CDK6: variants seen among roughly 807,000 people sequenced by gnomAD.
CDK6 encodes the protein cyclin-dependent kinase 6.
A neutral mutation model predicts 37.1 loss-of-function variants in CDK6; 6 were observed. That is an observed-to-expected ratio of 0.16 (90% CI 0.09 to 0.32). The LOEUF is 0.32. Among genes scored for constraint, CDK6 ranks in the 10% least tolerant of loss-of-function variants. The pLI is 1.00. For synonymous variants in CDK6, 160 were observed against 161.3 expected (o/e 0.99, Z 0.06); for missense variants, 224 against 418.9 (o/e 0.53, Z 4.06).
At chr7:92,719,349 A>C (rs968822043) in intron 4 of CDK6, among the ~76,000 whole-genome samples, 6 of 152,194 alleles carry the variant, frequency 3.9e-5, no homozygotes, top group African/African-American at 1.2e-4. Context: ...AATATTGGGA[A>C]TCTTATCAGT....
intron 1 of CDK6, among the ~76,000 whole-genome samples, chr7:92,836,114 G>C (rs1024914231): frequency 1.3e-5 from 2 of 151,996 alleles, no homozygotes; most frequent in African/African-American, 4.8e-5. Context: ...TTATGTGAGT[G>C]TCCGAGTAGA....
intron 4 of CDK6, among the ~76,000 whole-genome samples, chr7:92,706,556 T>C (rs1479647985): frequency 1.3e-5 from 2 of 152,228 alleles, no homozygotes; most frequent in Non-Finnish European, 2.9e-5. Flanking sequence ...GTAGAATTTG[T>C]CCTGTGGGTG....
At chr7:92,760,771 GATC>G (rs536788142) in intron 3 of CDK6, among the ~76,000 whole-genome samples, 1 of 151,952 alleles carries the variant, frequency 6.6e-6, no homozygotes, top group Non-Finnish European at 1.5e-5. Context: ...CCCAAAATGG[GATC>G]ATATTGTATA....
chr7:92,721,422 T>C (rs577088190), intron 4 of CDK6, among the ~76,000 whole-genome samples: 1 of 152,258 alleles, frequency 6.6e-6, no homozygotes, highest in African/African-American at 2.4e-5. Flanking sequence ...GTAGGGCCAG[T>C]GTAGGCTTCT....
chr7:92,808,951 G>A (rs772213873), intron 2 of CDK6, among the ~76,000 whole-genome samples: 3 of 152,118 alleles, frequency 2.0e-5, no homozygotes, highest in Non-Finnish European at 4.4e-5. Flanking sequence ...TTTGGAAGCA[G>A]TTAAAGGGCC....
In CDK6 at chr7:92,612,004, G is replaced by C. The variant is rs1795573181; in HGVS notation, c.*3136C>G. Reference sequence around the variant, plus strand: ...CAAAGTGGGAGGCTCCAACCCACTGGGTTCTTACAAGTGCTTAGAAATTGT... The same window carrying C: ...CAAAGTGGGAGGCTCCAACCCACTGCGTTCTTACAAGTGCTTAGAAATTGT... On this transcript the variant is annotated 3_prime_UTR_variant, in exon 8 of 8. Transcript: ENST00000424848. 4.3e-6 allele frequency: 1 copy of C among 232,870 alleles called. No homozygotes were observed. Among genetic ancestry groups the C allele is most frequent in the African/African-American group, 2.2e-5 (1 of 45,440 alleles). 14.4% of individuals were successfully genotyped at this position (232,870 alleles called of 1,614,324 possible). A position where few individuals can be genotyped will look rare whatever the true frequency, so the allele number is the denominator to read the frequency against.
At chr7:92,615,894 T>C (rs1463583214) in intron 7 of CDK6, among the ~76,000 whole-genome samples, 2 of 152,224 alleles carry the variant, frequency 1.3e-5, no homozygotes, top group East Asian at 3.8e-4. Flanking sequence ...AAGGGAAACC[T>C]TTGCAGTAGC....
At chr7:92,664,174 A>G (rs533739638) in intron 5 of CDK6, among the ~76,000 whole-genome samples, 1 of 151,952 alleles carries the variant, frequency 6.6e-6, no homozygotes, top group Non-Finnish European at 1.5e-5. Context: ...AGATCTTCCC[A>G]TTTGGCTGGT....
In CDK6 at chr7:92,690,863, G is replaced by A. The variant is rs78992690; in HGVS notation, c.538-19328C>T. On this transcript the variant is annotated intron_variant, in intron 4 of 7. Coordinates refer to ENST00000424848, the MANE Select transcript of CDK6 (RefSeq NM_001145306.2). ...AAAGTAAAAGTTAAGAATCCTTCAG[G>A]GCTTTGGTATAACCATTATGGGAGT... Among the ~76,000 whole-genome samples the A allele has an allele frequency of 0.021, 3,149 of 152,102 alleles. 236 individuals are homozygous for A. In the East Asian group the frequency reaches 0.28, roughly 14 times the overall value.
intron 2 of CDK6, among the ~76,000 whole-genome samples, chr7:92,786,553 G>A (rs1190265218): frequency 6.6e-6 from 1 of 151,738 alleles, no homozygotes; most frequent in Admixed American, 6.6e-5. Context: ...TTATGAAAAT[G>A]AGCCCACATC....
At chr7:92,735,601 G>A (rs573049198) in intron 3 of CDK6, among the ~76,000 whole-genome samples, 47 of 152,274 alleles carry the variant, frequency 3.1e-4, no homozygotes, top group African/African-American at 1.1e-3. Context: ...GCGCTATCCA[G>A]CTAGATTGCA....
chr7:92,684,546 A>T (rs1034364731), intron 4 of CDK6, among the ~76,000 whole-genome samples: 1 of 152,104 alleles, frequency 6.6e-6, no homozygotes, highest in Non-Finnish European at 1.5e-5. Context: ...GTGCACAGGC[A>T]TGTCTATGCT....
At chr7:92,706,246 T>C (rs558362777) in intron 4 of CDK6, among the ~76,000 whole-genome samples, 3 of 152,192 alleles carry the variant, frequency 2.0e-5, no homozygotes, top group Non-Finnish European at 2.9e-5. Context: ...ATTAAAATGC[T>C]CATTTTGGCC....
rs113202859 is a variant in CDK6 at position 92,729,276 on chromosome 7, T to C, written c.370-3483A>G. ...TTTTAATCTAAATTATTCTGTACCA[T>C]ATATGACTCAAATATTTCACAGTAA... is the stretch of plus-strand genomic sequence containing the variant. On this transcript the variant is annotated intron_variant, in intron 3 of 7. Coordinates refer to ENST00000424848, the MANE Select transcript of CDK6 (RefSeq NM_001145306.2). 5.7e-3 allele frequency among the ~76,000 whole-genome samples: 865 copies of C among 152,306 alleles called. 11 individuals are homozygous for C. Among genetic ancestry groups the C allele is most frequent in the African/African-American group, 0.02 (811 of 41,578 alleles).
rs557383633 is a variant in CDK6, at chr7:92,834,653, C to T, written c.-367-963G>A. 7.0e-6 allele frequency among the ~76,000 whole-genome samples: 1 copy of T among 142,328 alleles called. No individual in the cohort carries two copies. The highest frequency in any genetic ancestry group is 2.2e-4 in the South Asian group (1 of 4,528). The allele number at this position is 142,328 out of a possible 152,430, so 93.4% of individuals were successfully genotyped here. A position where few individuals can be genotyped will look rare whatever the true frequency, so the allele number is the denominator to read the frequency against. ...AGTTTTAAACTGATTTCGACCTGAG[C>T]AAAACTCAACCTCCCTTTCAAAGGG... On this transcript the variant is annotated intron_variant, in intron 1 of 7. Coordinates refer to ENST00000424848, the MANE Select transcript of CDK6 (RefSeq NM_001145306.2). This position sits in a 1 kb window ranked among gnomAD's most constrained non-coding sequence, Gnocchi z 4.6.
intron 7 of CDK6, among the ~76,000 whole-genome samples, chr7:92,616,736 T>C (rs1378136388): frequency 1.3e-5 from 2 of 152,156 alleles, no homozygotes; most frequent in Admixed American, 6.5e-5. Flanking sequence ...TACAGAGACA[T>C]GTCTCTAGAG....
intron 3 of CDK6, among the ~76,000 whole-genome samples, chr7:92,759,575 G>C (rs1799401642): frequency 6.6e-6 from 1 of 151,294 alleles, no homozygotes; most frequent in Non-Finnish European, 1.5e-5. Context: ...AAAACTATGG[G>C]TATTTATCTT....
At chr7:92,771,636 G>A (rs1465306705) in intron 3 of CDK6, among the ~76,000 whole-genome samples, 2 of 152,154 alleles carry the variant, frequency 1.3e-5, no homozygotes, top group East Asian at 3.8e-4. Context: ...AGGTCCTTCA[G>A]AGCAGGTCCT....
intron 2 of CDK6, among the ~76,000 whole-genome samples, chr7:92,784,700 T>C (rs1406216625): frequency 6.6e-6 from 1 of 152,192 alleles, no homozygotes; most frequent in Non-Finnish European, 1.5e-5. Context: ...AGTAGCAAAC[T>C]AAAGATAGCC....
Sources: allele counts gnomAD v4.1 joint callset (sites outside exome capture counted in the v4.1 genomes callset), GRCh38; gene constraint gnomAD v4.1.1; non-coding constraint Gnocchi (gnomAD v3.1); transcripts MANE v1.5; gene names NCBI Gene and HGNC (gene_info 2026-07-23, HGNC 2026-07-21).